SCFD2: variants seen among roughly 807,000 people sequenced by gnomAD.
The protein encoded by SCFD2 is sec1 family domain-containing protein 2.
In SCFD2, 54 loss-of-function variants were observed where a neutral mutation model predicts 58.9. The observed-to-expected ratio is 0.92, with a 90% CI of 0.74 to 1.15. The LOEUF is 1.15. SCFD2 is among the 50% of genes most tolerant of loss of function. The probability of loss-of-function intolerance (pLI) is 0.00; values close to 1 mark genes in which losing one functional copy is unlikely to be tolerated. For synonymous variants in SCFD2, 321 were observed against 335.9 expected, an observed-to-expected ratio of 0.96 and a Z score of 0.49; for missense variants, 805 against 836.6, an observed-to-expected ratio of 0.96 and a Z score of 0.47.
In SCFD2 at chr4:53,365,674, G is replaced by C; in HGVS notation, c.268C>G (p.Arg90Gly). The change falls in exon 1 of 9, where the codon CGG (arginine) becomes GGG (glycine). Residue 90 changes from arginine (R) to glycine (G), a missense_variant. Arg to Gly is a moderately radical substitution (Grantham distance 125). Transcript: ENST00000401642. This position sits in a 1 kb window ranked among gnomAD's most constrained non-coding sequence, Gnocchi z 4.3. ...LLKGRTVEILRDIICRSHFQY... is the reference protein window; with the variant it reads ...LLKGRTVEILGDIICRSHFQY... ...AAGTGACTGCGGCAGATGATGTCCCGTAGGATCTCCACGGTCCGGCCTTTC... is the reference window on the plus strand; with the variant it reads ...AAGTGACTGCGGCAGATGATGTCCCCTAGGATCTCCACGGTCCGGCCTTTC... The C allele has an allele frequency of 6.2e-7, 1 of 1,614,180 alleles. No individual in the cohort carries two copies. Among genetic ancestry groups the C allele is most frequent in the Non-Finnish European group, 8.5e-7 (1 of 1,180,032 alleles).
intron 8 of SCFD2, among the ~76,000 whole-genome samples, chr4:52,879,881 T>G (rs1718567086): frequency 1.3e-5 from 2 of 152,220 alleles, no homozygotes; most frequent in Non-Finnish European, 2.9e-5. Context: ...TTCTCTCTCC[T>G]TTTCTTTTAC....
chr4:53,259,449 A>T (rs1466640474), intron 4 of SCFD2, among the ~76,000 whole-genome samples: 1 of 152,114 alleles, frequency 6.6e-6, no homozygotes, highest in Non-Finnish European at 1.5e-5. Flanking sequence ...CTTTCCAATT[A>T]TCCCAGCACC....
At chr4:53,104,997 CA>C (rs1346250375) in intron 5 of SCFD2, among the ~76,000 whole-genome samples, 1 of 152,092 alleles carries the variant, frequency 6.6e-6, no homozygotes, top group Non-Finnish European at 1.5e-5. Context: ...TGCCTCATGT[CA>C]TTGGGAGTGG....
chr4:53,176,101 A>G (rs1391701587), intron 4 of SCFD2, among the ~76,000 whole-genome samples: 10 of 152,156 alleles, frequency 6.6e-5, no homozygotes, highest in Non-Finnish European at 1.5e-5. Flanking sequence ...AGTGTTCTCA[A>G]TGTTGAAGAT....
chr4:53,185,707 T>C (rs1406233111), intron 4 of SCFD2, among the ~76,000 whole-genome samples: 1 of 152,164 alleles, frequency 6.6e-6, no homozygotes, highest in Non-Finnish European at 1.5e-5. Flanking sequence ...TGAAGATATT[T>C]AAATTTAACT....
intron 2 of SCFD2, among the ~76,000 whole-genome samples, chr4:53,351,157 C>T (rs1282260308): frequency 2.6e-5 from 4 of 152,172 alleles, no homozygotes; most frequent in African/African-American, 7.2e-5. Context: ...ATTTCCCAAA[C>T]GTAAAATGCT....
intron 6 of SCFD2, among the ~76,000 whole-genome samples, chr4:52,913,465 T>G (rs948340470): frequency 9.2e-5 from 14 of 152,220 alleles, no homozygotes; most frequent in African/African-American, 3.4e-4. Flanking sequence ...TCTGATGGCC[T>G]GTCACTGTCT....
intron 5 of SCFD2, among the ~76,000 whole-genome samples, chr4:52,925,343 T>C (rs1211466901): frequency 1.5e-5 from 2 of 136,200 alleles, no homozygotes; most frequent in African/African-American, 6.2e-5. Context: ...TAAAGCCATA[T>C]ATATATATAT....
At chr4:53,213,630 A>T (rs529734110) in intron 4 of SCFD2, among the ~76,000 whole-genome samples, 34 of 152,092 alleles carry the variant, frequency 2.2e-4, no homozygotes, top group Non-Finnish European at 4.7e-4. Flanking sequence ...AAATTTTCTC[A>T]TTCATTTAAT....
At chr4:52,880,994 TGTTTGTGGCA>T (rs1718596505) in intron 8 of SCFD2, among the ~76,000 whole-genome samples, 1 of 152,326 alleles carries the variant, frequency 6.6e-6, no homozygotes, top group Admixed American at 6.5e-5. Flanking sequence ...TCCCACTTGG[TGTTTGTGGCA>T]GTTTGGGATG....
intron 2 of SCFD2, among the ~76,000 whole-genome samples, chr4:53,343,031 A>T (rs1733934288): frequency 6.6e-6 from 1 of 152,178 alleles, no homozygotes; most frequent in Non-Finnish European, 1.5e-5. Flanking sequence ...TGACACCCTA[A>T]CATCACAATT....
chr4:52,895,053 C>T (rs1355145765), intron 7 of SCFD2, among the ~76,000 whole-genome samples: 1 of 152,184 alleles, frequency 6.6e-6, no homozygotes, highest in Non-Finnish European at 1.5e-5. Context: ...AGGGAAAACT[C>T]CTAGGATTAG....
chr4:52,898,749 G>A (rs1206765532), intron 7 of SCFD2, among the ~76,000 whole-genome samples: 1 of 152,144 alleles, frequency 6.6e-6, no homozygotes, highest in Admixed American at 6.5e-5. Context: ...TGTTGACAGT[G>A]GGGTGTTAAA....
chr4:53,167,763 A>C (rs1381585396), intron 4 of SCFD2, among the ~76,000 whole-genome samples: 4 of 17,052 alleles, frequency 2.3e-4, no homozygotes, highest in Non-Finnish European at 3.3e-4. Context: ...GAAAGAGGAG[A>C]GTTCTTTCTT....
chr4:53,268,530 G>T (rs1368263854), intron 4 of SCFD2, among the ~76,000 whole-genome samples: 1 of 152,060 alleles, frequency 6.6e-6, no homozygotes, highest in Non-Finnish European at 1.5e-5. Context: ...GGTGGTGAGG[G>T]CAGCTAAAGA....
At chr4:53,248,102 C>T (rs1277871916) in intron 4 of SCFD2, among the ~76,000 whole-genome samples, 1 of 152,186 alleles carries the variant, frequency 6.6e-6, no homozygotes, top group East Asian at 1.9e-4. Flanking sequence ...CGAGGCATTG[C>T]CTCACTGGGA....
rs537469573 is a variant in SCFD2, at chr4:52,993,021, G to A, written c.1562-72151C>T. On this transcript the variant is annotated intron_variant, in intron 5 of 8. Coordinates refer to ENST00000401642, the MANE Select transcript of SCFD2 (RefSeq NM_152540.4). The stretch of plus-strand genomic sequence containing the variant: ...TGTGTCTGTGCAGAGGGAAGTAGAC[G>A]TAGGAGACTCCATTTTGTTCTGTAC... Among the ~76,000 whole-genome samples, 8 of 151,852 alleles carry A rather than the reference G, an allele frequency of 5.3e-5. No homozygotes were observed. In the East Asian group the frequency reaches 5.8e-4, roughly 11 times the overall value.
At chr4:53,022,599 C>G (rs1426919865) in intron 5 of SCFD2, among the ~76,000 whole-genome samples, 1 of 152,070 alleles carries the variant, frequency 6.6e-6, no homozygotes, top group Non-Finnish European at 1.5e-5. Context: ...GTTGGGAGAA[C>G]TGGTTTTGGA....
chr4:53,093,754 G>GA (rs35879527), intron 5 of SCFD2, among the ~76,000 whole-genome samples: 1 of 151,644 alleles, frequency 6.6e-6, no homozygotes, highest in African/African-American at 2.4e-5. Flanking sequence ...AAAGGTAATA[G>GA]AAAAAAAATA....
Sources: allele counts gnomAD v4.1 joint callset (sites outside exome capture counted in the v4.1 genomes callset), GRCh38; gene constraint gnomAD v4.1.1; non-coding constraint Gnocchi (gnomAD v3.1); transcripts MANE v1.5; gene names NCBI Gene and HGNC (gene_info 2026-07-23, HGNC 2026-07-21).